ATP8A2: variants seen among roughly 807,000 people sequenced by gnomAD.
The protein encoded by ATP8A2 is phospholipid-transporting ATPase IB.
Under a neutral mutation model 165.6 loss-of-function variants are expected in ATP8A2, and 100 were observed. The observed-to-expected ratio is 0.60, with a 90% CI of 0.51 to 0.71. The LOEUF (loss-of-function observed/expected upper bound fraction) is 0.71. ATP8A2 is among the 30% of genes least tolerant of loss of function. The probability of loss-of-function intolerance (pLI) is 0.00; values close to 1 mark genes in which losing one functional copy is unlikely to be tolerated. For synonymous variants in ATP8A2, 543 were observed against 548.8 expected (o/e 0.99, Z 0.15); for missense variants, 1,227 against 1,479.5 (o/e 0.83, Z 2.80).
intron 1 of ATP8A2, among the ~76,000 whole-genome samples, chr13:25,390,319 AGGTT>A (rs1319898134): frequency 2.0e-5 from 3 of 152,176 alleles, no homozygotes; most frequent in African/African-American, 7.2e-5. Context: ...TTAAAAGTCA[AGGTT>A]ATTAAGATAT....
At chr13:25,820,417 G>C (rs913214234) in intron 27 of ATP8A2, among the ~76,000 whole-genome samples, 1 of 152,190 alleles carries the variant, frequency 6.6e-6, no homozygotes, top group South Asian at 2.1e-4. Context: ...GGCTTTGACT[G>C]TATTCATTTA....
intron 33 of ATP8A2, among the ~76,000 whole-genome samples, chr13:25,908,248 C>G (rs190145831): frequency 1.3e-5 from 2 of 152,024 alleles, no homozygotes; most frequent in African/African-American, 4.8e-5. Flanking sequence ...CAGTAGTTAC[C>G]GTAAGTCAGC....
chr13:25,492,896 T>C (rs1370356552), intron 2 of ATP8A2, among the ~76,000 whole-genome samples: 2 of 152,182 alleles, frequency 1.3e-5, no homozygotes, highest in Non-Finnish European at 2.9e-5. Context: ...GGTCCAAGGA[T>C]GTGGGGTCCG....
intron 33 of ATP8A2, among the ~76,000 whole-genome samples, chr13:25,932,679 G>A (rs1436191414): frequency 6.6e-6 from 1 of 152,188 alleles, no homozygotes; most frequent in Non-Finnish European, 1.5e-5. Flanking sequence ...ATTCAATTAG[G>A]TATGCTTATG....
chr13:26,013,192 C>G (rs1357782984), intron 36 of ATP8A2, among the ~76,000 whole-genome samples: 1 of 152,012 alleles, frequency 6.6e-6, no homozygotes, highest in Non-Finnish European at 1.5e-5. Context: ...TCATCAGATC[C>G]CAGCTGAGGC....
At chr13:25,799,684 A>T (rs1183831714) in intron 27 of ATP8A2, among the ~76,000 whole-genome samples, 6 of 152,108 alleles carry the variant, frequency 3.9e-5, no homozygotes, top group Non-Finnish European at 5.9e-5. Context: ...ATGAACAAGG[A>T]CCTTTCCCCT....
chr13:25,452,692 A>G (rs1230774476), intron 1 of ATP8A2, among the ~76,000 whole-genome samples: 10 of 152,238 alleles, frequency 6.6e-5, no homozygotes, highest in Admixed American at 5.2e-4. Flanking sequence ...AGCTTCATCA[A>G]TAGGTACTGA....
intron 24 of ATP8A2, among the ~76,000 whole-genome samples, chr13:25,628,335 T>G (rs1461601840): frequency 6.6e-6 from 1 of 152,212 alleles, no homozygotes; most frequent in African/African-American, 2.4e-5. Flanking sequence ...ACCCTTTATG[T>G]TAATTAATCC....
intron 33 of ATP8A2, among the ~76,000 whole-genome samples, chr13:25,919,053 C>G (rs1954358104): frequency 6.6e-6 from 1 of 152,150 alleles, no homozygotes; most frequent in African/African-American, 2.4e-5. Context: ...AATGAATTCT[C>G]TTTTTTAAAC....
At chr13:25,791,978 CA>C (rs1285619372) in intron 27 of ATP8A2, among the ~76,000 whole-genome samples, 1 of 151,954 alleles carries the variant, frequency 6.6e-6, no homozygotes, top group Non-Finnish European at 1.5e-5. Context: ...AGAAATAAAG[CA>C]AAAATCATTT....
At chr13:25,598,181 T>C (rs1415621102) in intron 24 of ATP8A2, among the ~76,000 whole-genome samples, 1 of 152,232 alleles carries the variant, frequency 6.6e-6, no homozygotes, top group Non-Finnish European at 1.5e-5. Flanking sequence ...ATTGAGCATA[T>C]ATGTGACTCT....
At chr13:25,488,764 T>C (rs2036428802) in intron 2 of ATP8A2, among the ~76,000 whole-genome samples, 1 of 151,968 alleles carries the variant, frequency 6.6e-6, no homozygotes, top group Admixed American at 6.6e-5. Flanking sequence ...TTGGTGGTGT[T>C]TTTGTCCTTT....
At chr13:25,837,412 T>C in intron 29 of ATP8A2, 127 bp downstream of exon 29, 1 of 781,680 alleles carries the variant, frequency 1.3e-6, no homozygotes, top group Non-Finnish European at 2.0e-6. Context: ...CATGATCCAC[T>C]CACCCCACCA....
At chr13:25,545,230 G>A (rs185069431) in intron 10 of ATP8A2, among the ~76,000 whole-genome samples, 1 of 152,246 alleles carries the variant, frequency 6.6e-6, no homozygotes, top group East Asian at 1.9e-4. Flanking sequence ...AAAATGAAGA[G>A]TTGGTGAATG....
At chr13:25,842,007 C>T (rs1239674798) in intron 30 of ATP8A2, among the ~76,000 whole-genome samples, 3 of 152,078 alleles carry the variant, frequency 2.0e-5, no homozygotes, top group African/African-American at 7.2e-5. Flanking sequence ...CCTATCAGGC[C>T]ACAGCTCCCA....
At chr13:25,720,190 A>G (rs2043346932) in intron 25 of ATP8A2, among the ~76,000 whole-genome samples, 1 of 94,110 alleles carries the variant, frequency 1.1e-5, no homozygotes, top group Admixed American at 9.3e-5. Context: ...TTTTTTGAGA[A>G]GGAATCTCAC....
At chr13:25,874,598 C>T (rs1439818268) in intron 33 of ATP8A2, among the ~76,000 whole-genome samples, 7 of 152,104 alleles carry the variant, frequency 4.6e-5, no homozygotes, top group Admixed American at 2.6e-4. Flanking sequence ...GAGATCGAAA[C>T]GCTTGTGACC....
At chr13:26,012,228 C>T (rs549709711) in intron 35 of ATP8A2, among the ~76,000 whole-genome samples, 31 of 152,308 alleles carry the variant, frequency 2.0e-4, no homozygotes, top group Non-Finnish European at 3.8e-4. Context: ...AAACAGGCCT[C>T]TCCTTGGAGA....
chr13:25,714,239 C>G (rs185874085), intron 25 of ATP8A2, among the ~76,000 whole-genome samples: 150 of 152,288 alleles, frequency 9.8e-4, no homozygotes, highest in South Asian at 5.6e-3. Flanking sequence ...CCCTTGCTTT[C>G]TGTGTCCCGG....
Sources: allele counts gnomAD v4.1 joint callset (sites outside exome capture counted in the v4.1 genomes callset), GRCh38; gene constraint gnomAD v4.1.1; transcripts MANE v1.5; gene names NCBI Gene and HGNC (gene_info 2026-07-23, HGNC 2026-07-21).